The following APLP2 variants were observed in gnomAD, a reference collection of about 807,000 sequenced individuals.
APLP2 encodes amyloid beta precursor like protein 2.
APLP2 carries 53 observed loss-of-function variants against 89.9 expected under a neutral mutation model. The ratio of observed to expected loss-of-function variants is 0.59; its 90% CI spans 0.47 to 0.74. APLP2 has a LOEUF of 0.74. Ranked by LOEUF, APLP2 falls within the 30% of genes least tolerant of loss-of-function variation. The pLI, the probability that APLP2 is intolerant of heterozygous loss-of-function variation, is 0.00. For synonymous variants in APLP2, 372 were observed against 348.6 expected (o/e 1.07, Z -0.75); for missense variants, 973 against 975.9 (o/e 1.00, Z 0.04).
chr11:130,125,379 C>A (rs941734499), intron 7 of APLP2, among the ~76,000 whole-genome samples: 1 of 138,572 alleles, frequency 7.2e-6, no homozygotes, highest in Non-Finnish European at 1.5e-5. Flanking sequence ...TGTCACTGAT[C>A]CGCATGATGG....
At chr11:130,116,116 T>C (rs1949124809) in intron 3 of APLP2, among the ~76,000 whole-genome samples, 2 of 152,180 alleles carry the variant, frequency 1.3e-5, no homozygotes, top group Admixed American at 6.5e-5. Context: ...TGAGCTTTTA[T>C]TATCATGTGC....
intron 1 of APLP2, among the ~76,000 whole-genome samples, chr11:130,071,963 G>C (rs1297839412): frequency 6.6e-6 from 1 of 152,220 alleles, no homozygotes; most frequent in African/African-American, 2.4e-5. Context: ...ATTTAGATGA[G>C]AGTGGCCTAA....
intron 1 of APLP2, chr11:130,100,301 C>T (rs147104920): frequency 3.3e-5 from 5 of 152,058 alleles, no homozygotes; most frequent in East Asian, 1.9e-4. Flanking sequence ...AATGGTTGGC[C>T]GAGGCCAGTC....
chr11:130,091,628 G>C (rs1945242726), intron 1 of APLP2, among the ~76,000 whole-genome samples: 1 of 127,378 alleles, frequency 7.9e-6, no homozygotes, highest in Admixed American at 7.2e-5. Flanking sequence ...CGGGGTGGCT[G>C]GCCGGGCTGA....
At position 130,126,828 on chromosome 11, in the gene APLP2, A is replaced by G. The variant is rs774930691; in HGVS notation, c.1219A>G (p.Arg407Gly). The G allele has an allele frequency of 5.6e-6, 9 of 1,614,160 alleles. No individual in the cohort carries two copies. The South Asian group carries it at 7.7e-5, about 14-fold the overall frequency. Reference sequence around the variant, plus strand: ...GATTCGGCACCGCAACCGAATGGACAGGGTAAACCTTGACAATTTCTTCAT... The same window carrying G: ...GATTCGGCACCGCAACCGAATGGACGGGGTAAACCTTGACAATTTCTTCAT... ...LEIRHRNRMD[R>G]VKKEWEEAEL... is the part of the protein sequence containing the mutation. The change falls in exon 8 of 17, where the codon AGG (arginine) becomes GGG (glycine). Residue 407 changes from arginine (R) to glycine (G), a missense_variant and splice_region_variant. Arg to Gly is a moderately radical substitution (Grantham distance 125). Coordinates refer to ENST00000338167, the MANE Select transcript of APLP2 (RefSeq NM_001142276.2).
At chr11:130,103,472 T>G (rs1947215334) in intron 1 of APLP2, among the ~76,000 whole-genome samples, 1 of 152,160 alleles carries the variant, frequency 6.6e-6, no homozygotes, top group Non-Finnish European at 1.5e-5. Context: ...TGCTTTAACC[T>G]CTGGTATTTT....
At position 130,143,292 on chromosome 11, in the gene APLP2, C is replaced by G. The variant is rs76525368; in HGVS notation, c.2155-55C>G. ...GCAAATGGCTCAGGTCTCCCAGCAC[C>G]CTGTGCAGGTCTCTTCCCAGACACC... On this transcript the variant is annotated intron_variant, in intron 16 of 16. Coordinates refer to ENST00000338167, the MANE Select transcript of APLP2 (RefSeq NM_001142276.2). 16,809 of 1,518,192 alleles carry G rather than the reference C, an allele frequency of 0.011. 1,566 individuals are homozygous for G. The African/African-American group carries it at 0.2, about 18-fold the overall frequency. The allele number at this position is 1,518,192 out of a possible 1,614,324, so 94.0% of individuals were successfully genotyped here.
chr11:130,133,584 G>A, intron 11 of APLP2, 45 bp from the exon 12 acceptor site: 1 of 1,459,042 alleles, frequency 6.9e-7, no homozygotes, highest in South Asian at 1.1e-5. Context: ...TCCTGGCCTA[G>A]TTGTTTTCAG....
chr11:130,121,493 C>T, intron 4 of APLP2, 121 bp from the exon 5 acceptor site: 2 of 1,264,910 alleles, frequency 1.6e-6, no homozygotes, highest in Admixed American at 2.8e-5. Context: ...TGTATGTGTT[C>T]ATAAGAGAAA....
Position 130,141,987 on chromosome 11 carries a change from C to T in APLP2, c.2067C>T (p.Ile689=), listed in dbSNP as rs770841207. 2.2e-5 allele frequency: 36 copies of T among 1,613,984 alleles called. No individual in the cohort carries two copies. Among genetic ancestry groups the T allele is most frequent in the South Asian group, 2.0e-4 (18 of 91,082 alleles). Residue 689 remains isoleucine (I), a synonymous_variant, in exon 16 of 17, where the codon ATC becomes ATT. Coordinates refer to ENST00000338167, the MANE Select transcript of APLP2 (RefSeq NM_001142276.2). The surrounding 1 kb of genome is among the most constrained non-coding windows in gnomAD (Gnocchi z 4.2). ...GTGCTCTCATTGGCCTGCTGGTCAT[C>T]GCAGTGGCCATTGCCACGGTCATCG... The part of the protein sequence containing the change: ...SSSALIGLLV[I]AVAIATVIVI...
At chr11:130,080,510 T>TTTTA (rs571085441) in intron 1 of APLP2, among the ~76,000 whole-genome samples, 34 of 150,908 alleles carry the variant, frequency 2.3e-4, no homozygotes, top group African/African-American at 8.3e-4. Context: ...CGGCCAGACA[T>TTTTA]TTTATTTATA....
At chr11:130,135,798 A>C in intron 13 of APLP2, 83 bp downstream of exon 13, 3 of 1,522,074 alleles carry the variant, frequency 2.0e-6, no homozygotes, top group Non-Finnish European at 2.7e-6. Flanking sequence ...CGAAAACCAA[A>C]TTGAGTTGGG....
intron 1 of APLP2, 44 bp downstream of exon 1, chr11:130,070,126 C>A: frequency 1.6e-6 from 2 of 1,250,964 alleles, no homozygotes; most frequent in South Asian, 4.1e-5. Flanking sequence ...CTTCGCCCGC[C>A]GGAGGAGCGC....
intron 1 of APLP2, among the ~76,000 whole-genome samples, chr11:130,078,393 C>T (rs1942508523): frequency 6.8e-6 from 1 of 146,846 alleles, no homozygotes; most frequent in African/African-American, 2.7e-5. Flanking sequence ...TAAGATAATG[C>T]TGTTCTCTGT....
chr11:130,117,069 T>G (rs1213984977), intron 3 of APLP2, among the ~76,000 whole-genome samples: 1 of 151,984 alleles, frequency 6.6e-6, no homozygotes. Context: ...AGGCAGAGGA[T>G]GCAGTGAGCC....
intron 1 of APLP2, among the ~76,000 whole-genome samples, chr11:130,104,853 AT>A (rs898430239): frequency 2.0e-5 from 3 of 152,184 alleles, no homozygotes; most frequent in Admixed American, 6.5e-5. Context: ...CCTGATAGAT[AT>A]TGGCAACATT....
At chr11:130,099,437 G>A (rs1202794256) in intron 1 of APLP2, among the ~76,000 whole-genome samples, 1 of 152,232 alleles carries the variant, frequency 6.6e-6, no homozygotes, top group Non-Finnish European at 1.5e-5. Context: ...TAGCAAGGAA[G>A]CAGAATGTCC....
rs1591785216 is a variant in APLP2, at chr11:130,093,802, G to A, written c.106-15627G>A. Among the ~76,000 whole-genome samples the A allele has an allele frequency of 2.6e-5, 4 of 152,110 alleles. No homozygotes were observed. In the South Asian group the frequency reaches 8.3e-4, roughly 32 times the overall value. ...TTTGTTGCTCAGGCTGGAGTGGAGT[G>A]GCATGATCTCACGTCACCGCAACCT... On this transcript the variant is annotated intron_variant, in intron 1 of 16. Coordinates refer to ENST00000338167, the MANE Select transcript of APLP2 (RefSeq NM_001142276.2).
Position 130,140,573 on chromosome 11 carries a change from T to C in APLP2, c.1923+90T>C, listed in dbSNP as rs1952237640. 1.1e-5 allele frequency: 12 copies of C among 1,101,492 alleles called. No individual in the cohort carries two copies. The East Asian group carries it at 3.2e-4, about 29-fold the overall frequency. 68.2% of individuals were successfully genotyped at this position (1,101,492 alleles called of 1,614,324 possible). A position where few individuals can be genotyped will look rare whatever the true frequency, so the allele number is the denominator to read the frequency against. ...GATGTCAGATGCTTCCAGGTGCACG[T>C]CTCTGTGTTCGTTTTCCGCACAGTA... On this transcript the variant is annotated intron_variant, in intron 14 of 16. Coordinates refer to ENST00000338167, the MANE Select transcript of APLP2 (RefSeq NM_001142276.2).
Sources: gnomAD v4.1 joint callset for allele counts (sites outside exome capture counted in the v4.1 genomes callset) on GRCh38, gnomAD v4.1.1 for gene constraint, Gnocchi (gnomAD v3.1) non-coding constraint, MANE v1.5 for transcripts, NCBI Gene and HGNC (gene_info 2026-07-23, HGNC 2026-07-21) for gene names.